MTRR: variants seen among roughly 807,000 people sequenced by gnomAD.
MTRR encodes the protein 5-methyltetrahydrofolate-homocysteine methyltransferase reductase.
In MTRR, 63 loss-of-function variants were observed where a neutral mutation model predicts 79.2. That is an observed-to-expected ratio of 0.80 (90% confidence interval 0.65 to 0.98). The LOEUF (loss-of-function observed/expected upper bound fraction) is 0.98, where lower values mean the gene tolerates loss of function less well. MTRR is among the 50% of genes least tolerant of loss of function. The pLI is 0.00. For synonymous variants in MTRR, 355 were observed against 313.3 expected, an observed-to-expected ratio of 1.13 and a Z score of -1.41; for missense variants, 895 against 839.6, an observed-to-expected ratio of 1.07 and a Z score of -0.82.
At position 7,878,032 on chromosome 5, in the gene MTRR, A is replaced by G. The variant is rs779803224; in HGVS notation, c.490A>G (p.Ser164Gly). ...GTCAAGCAGAGGACAAGAGGAGATA[A>G]GTGGCGCACTCCCGGTGGCATCACC... The part of the protein sequence containing the change: ...FRSSRGQEEI[S>G]GALPVASPAS... The change falls in exon 5 of 15, where the codon AGT (serine) becomes GGT (glycine). Residue 164 changes from serine (S) to glycine (G), a missense_variant. Transcript: ENST00000440940. The G allele has an allele frequency of 6.2e-7, 1 of 1,613,720 alleles. No homozygotes were observed. Among genetic ancestry groups the G allele is most frequent in the Non-Finnish European group, 8.5e-7 (1 of 1,180,014 alleles).
intron 3 of MTRR, among the ~76,000 whole-genome samples, chr5:7,874,809 T>C (rs957798985): frequency 2.6e-5 from 4 of 152,160 alleles, no homozygotes; most frequent in Non-Finnish European, 4.4e-5. Context: ...TGTACACAAG[T>C]GGACTTGACT....
intron 11 of MTRR, among the ~76,000 whole-genome samples, chr5:7,894,397 A>T (rs1333751885): frequency 6.6e-6 from 1 of 152,222 alleles, no homozygotes; most frequent in Admixed American, 6.5e-5. Context: ...AGGAGCACTA[A>T]GCCTGTGGGC....
intron 6 of MTRR, 66 bp downstream of exon 6, chr5:7,883,343 T>G: frequency 6.2e-7 from 1 of 1,605,634 alleles, no homozygotes; most frequent in Non-Finnish European, 8.5e-7. Context: ...AGTTGTGTGG[T>G]GCTTGGTTAT....
At chr5:7,871,389 A>T (rs185460542) in intron 2 of MTRR, among the ~76,000 whole-genome samples, 2 of 152,220 alleles carry the variant, frequency 1.3e-5, no homozygotes, top group East Asian at 1.9e-4. Flanking sequence ...ATCTGGAAAA[A>T]ACTCGGCTGC....
upstream of MTRR, chr5:7,868,195 A>G (rs1747180113): frequency 3.3e-6 from 1 of 303,782 alleles, no homozygotes. Flanking sequence ...ACAAACGAGT[A>G]TCTGGAAAAA....
intron 5 of MTRR, among the ~76,000 whole-genome samples, chr5:7,882,685 T>C (rs1316288643): frequency 6.6e-6 from 1 of 152,206 alleles, no homozygotes; most frequent in African/African-American, 2.4e-5. Flanking sequence ...GATTAATAAT[T>C]AGTTTCTTAG....
chr5:7,864,232 C>T (rs1746768376), upstream of MTRR, among the ~76,000 whole-genome samples: 1 of 152,036 alleles, frequency 6.6e-6, no homozygotes, highest in Non-Finnish European at 1.5e-5. Context: ...TTGATTTAGC[C>T]ATTCTACAAT....
At chr5:7,854,579 G>A (rs543528705) in intron 1 of MTRR, among the ~76,000 whole-genome samples, 12 of 152,216 alleles carry the variant, frequency 7.9e-5, no homozygotes, top group Non-Finnish European at 1.2e-4. Flanking sequence ...GAGAAAATGA[G>A]GAAGATGCAA....
intron 9 of MTRR, among the ~76,000 whole-genome samples, chr5:7,890,672 C>T (rs534277926): frequency 2.6e-4 from 40 of 152,218 alleles, no homozygotes; most frequent in Non-Finnish European, 4.1e-4. Context: ...TAAAACTCTA[C>T]GCCATTATAC....
chr5:7,884,837 A>G (rs1046287439), intron 6 of MTRR, among the ~76,000 whole-genome samples: 7 of 152,258 alleles, frequency 4.6e-5, no homozygotes, highest in Non-Finnish European at 1.0e-4. Flanking sequence ...GCAAGGGCAC[A>G]TTAAGGCTGT....
intron 1 of MTRR, among the ~76,000 whole-genome samples, chr5:7,858,988 A>G (rs1003831918): frequency 1.3e-5 from 2 of 152,140 alleles, no homozygotes; most frequent in African/African-American, 4.8e-5. Context: ...GCATAATTCT[A>G]TAATATTTAT....
upstream of MTRR, chr5:7,867,651 C>G (rs1747095675): frequency 1.2e-5 from 19 of 1,614,198 alleles, no homozygotes; most frequent in Non-Finnish European, 1.5e-5. Context: ...CCTTGATCAC[C>G]ATCCTTTTTT....
At chr5:7,871,470 C>T (rs1394053735) in intron 2 of MTRR, among the ~76,000 whole-genome samples, 1 of 152,160 alleles carries the variant, frequency 6.6e-6, no homozygotes, top group Admixed American at 6.5e-5. Flanking sequence ...GCAACTTTAC[C>T]ATCTTGTGTT....
At chr5:7,854,020 C>A (rs1168554064) in intron 1 of MTRR, among the ~76,000 whole-genome samples, 1 of 152,078 alleles carries the variant, frequency 6.6e-6, no homozygotes. Flanking sequence ...CAGACTTTGG[C>A]AATTTTGATT....
chr5:7,875,597 G>A (rs981536462), intron 4 of MTRR, among the ~76,000 whole-genome samples: 3 of 152,120 alleles, frequency 2.0e-5, no homozygotes, highest in African/African-American at 4.8e-5. Flanking sequence ...ATATGCTAAC[G>A]GCAAGAGTTA....
At chr5:7,876,337 CT>C (rs1734561139) in intron 4 of MTRR, among the ~76,000 whole-genome samples, 1 of 152,024 alleles carries the variant, frequency 6.6e-6, no homozygotes, top group Non-Finnish European at 1.5e-5. Context: ...GAGCTTTTTT[CT>C]TTTGCCAGAA....
At position 7,885,860 on chromosome 5, in the gene MTRR, A is replaced by C. The variant is rs1218687611; in HGVS notation, c.1057+6A>C. ...GGCAGACACAAAGAAGAAAGGTAAC[A>C]GCCCTGATGCTGTGACGTTGGGGTG... On this transcript the variant is annotated splice_donor_region_variant and intron_variant, in intron 7 of 14. Transcript: ENST00000440940. 3 of 1,614,024 alleles carry C rather than the reference A, an allele frequency of 1.9e-6. No homozygotes were observed. In the African/African-American group the frequency reaches 4.0e-5, roughly 22 times the overall value.
intron 2 of MTRR, chr5:7,863,283 A>C (rs1746684808): frequency 2.8e-6 from 1 of 354,790 alleles, no homozygotes; most frequent in Non-Finnish European, 5.1e-6. Flanking sequence ...GAGTGAGGAG[A>C]GAGTGAGAAG....
At position 7,899,925 on chromosome 5, in the gene MTRR, A is replaced by G. The variant is rs562405817; in HGVS notation, c.1964A>G (p.Asn655Ser). The change falls in exon 15 of 15, where the codon AAT becomes AGT. Residue 655 changes from asparagine to serine, a missense_variant. Physicochemically the swap from Asn to Ser is conservative, Grantham distance 46. Coordinates refer to ENST00000440940, the MANE Select transcript of MTRR (RefSeq NM_002454.3). ...ATTTTCTTTTCTAGAGATGCAAAGA[A>G]TATGGCCAAGGATGTACATGATGCC... The part of the protein sequence containing the change: ...GHIYVCGDAK[N>S]MAKDVHDALV... 2 of 1,614,220 alleles carry G rather than the reference A, an allele frequency of 1.2e-6. No individual in the cohort carries two copies. The highest frequency in any genetic ancestry group is 1.3e-5 in the African/African-American group (1 of 75,070).
Sources: allele counts gnomAD v4.1 joint callset (sites outside exome capture counted in the v4.1 genomes callset), GRCh38; gene constraint gnomAD v4.1.1; transcripts MANE v1.5; gene names NCBI Gene and HGNC (gene_info 2026-07-23, HGNC 2026-07-21).